The following SLC1A1 variants were observed in gnomAD, a reference collection of about 807,000 sequenced individuals.
The protein encoded by SLC1A1 is excitatory amino acid transporter 3.
In SLC1A1, 43 loss-of-function variants were observed where a neutral mutation model predicts 53.3. The observed-to-expected ratio is 0.81, with a 90% CI of 0.63 to 1.04. The LOEUF is 1.04. Ranked by LOEUF, SLC1A1 falls within the 50% of genes least tolerant of loss-of-function variation. The pLI is 0.00. For synonymous variants in SLC1A1, 307 were observed against 243.2 expected, an observed-to-expected ratio of 1.26 and a Z score of -2.44; for missense variants, 748 against 664.9, an observed-to-expected ratio of 1.12 and a Z score of -1.37.
chr9:4,582,897 G>C, intron 10 of SLC1A1, 141 bp from the exon 11 acceptor site: 1 of 1,076,762 alleles, frequency 9.3e-7, no homozygotes, highest in South Asian at 1.3e-5. Flanking sequence ...CTGGGGCTCA[G>C]CAAGTCACAG....
rs368321633 is a variant in SLC1A1, at chr9:4,506,569, G to GA, written c.91+15810dup. Among the ~76,000 whole-genome samples the GA allele has an allele frequency of 6.7e-3, 996 of 147,858 alleles. 10 individuals are homozygous for GA. Among genetic ancestry groups the GA allele is most frequent in the African/African-American group, 0.016 (658 of 40,428 alleles). The stretch of plus-strand genomic sequence containing the variant: ...AATCTCCAACTAGCTTATTTATTTT[G>GA]AAAAAAAAAAATAGAAATCTACGTC... On this transcript the variant is annotated intron_variant, in intron 1 of 11. Coordinates refer to ENST00000262352, the MANE Select transcript of SLC1A1 (RefSeq NM_004170.6).
chr9:4,539,679 C>T (rs973725574), intron 1 of SLC1A1, among the ~76,000 whole-genome samples: 4 of 152,150 alleles, frequency 2.6e-5, no homozygotes, highest in Admixed American at 2.0e-4. Context: ...TCAAGCGATT[C>T]TCCTGCCTCA....
intron 2 of SLC1A1, chr9:4,553,998 T>C (rs1285594155): frequency 6.6e-6 from 1 of 152,250 alleles, no homozygotes; most frequent in Non-Finnish European, 1.5e-5. Context: ...CCTTGTTTTC[T>C]CTGGGGAATA....
At chr9:4,555,098 A>T (rs1269358430) in intron 2 of SLC1A1, among the ~76,000 whole-genome samples, 2 of 152,222 alleles carry the variant, frequency 1.3e-5, no homozygotes, top group Non-Finnish European at 2.9e-5. Flanking sequence ...GGAGAAGCTG[A>T]GTCTGGGAGG....
chr9:4,511,578 C>CAG (rs995008112), intron 1 of SLC1A1, among the ~76,000 whole-genome samples: 1 of 150,180 alleles, frequency 6.7e-6, no homozygotes, highest in African/African-American at 2.5e-5. Context: ...CACACACACA[C>CAG]ACACACACAC....
At chr9:4,504,135 C>G (rs1266542604) in intron 1 of SLC1A1, among the ~76,000 whole-genome samples, 3 of 151,680 alleles carry the variant, frequency 2.0e-5, no homozygotes, top group African/African-American at 7.2e-5. Flanking sequence ...AAACCAGCAC[C>G]AGAACCCACC....
At position 4,544,700 on chromosome 9, in the gene SLC1A1, G is replaced by A; in HGVS notation, c.225G>A (p.Met75Ile). Reference sequence around the variant, plus strand: ...TTTTGCCATTAATTATATCCAGCATGATTACAGGTACCTTGAGAAAACAGA... The same window carrying A: ...TTTTGCCATTAATTATATCCAGCATAATTACAGGTACCTTGAGAAAACAGA... ...LIILPLIISS[M>I]ITGVAALDSN... The change falls in exon 2 of 12, where the codon ATG becomes ATA. Residue 75 changes from methionine to isoleucine, a missense_variant. By Grantham distance (10) the Met-to-Ile change is conservative. Transcript: ENST00000262352. 1 of 1,612,878 alleles carries A rather than the reference G, an allele frequency of 6.2e-7. No homozygotes were observed.
intron 3 of SLC1A1, among the ~76,000 whole-genome samples, chr9:4,563,146 G>GAAAAA (rs761603173): frequency 7.2e-6 from 1 of 138,082 alleles, no homozygotes; most frequent in African/African-American, 2.7e-5. Flanking sequence ...GAGAGAGAGA[G>GAAAAA]AAAAAAAAAA....
chr9:4,503,817 G>A (rs935784466), intron 1 of SLC1A1, among the ~76,000 whole-genome samples: 1 of 151,818 alleles, frequency 6.6e-6, no homozygotes, highest in Non-Finnish European at 1.5e-5. Context: ...GGTGCCCCCA[G>A]ATATATCTGA....
intron 1 of SLC1A1, among the ~76,000 whole-genome samples, chr9:4,531,927 C>T (rs899592948): frequency 1.3e-5 from 2 of 152,158 alleles, no homozygotes; most frequent in Non-Finnish European, 2.9e-5. Flanking sequence ...GTCTCCGCTG[C>T]TGATACACAG....
intron 1 of SLC1A1, among the ~76,000 whole-genome samples, chr9:4,495,870 C>A (rs1048126877): frequency 6.6e-6 from 1 of 152,084 alleles, no homozygotes; most frequent in Non-Finnish European, 1.5e-5. Context: ...TCCAGCAAAA[C>A]AGAGAGTCCT....
Position 4,575,862 on chromosome 9 carries a change from T to G in SLC1A1, c.876-139T>G, listed in dbSNP as rs545041151. ...CTCATACATGGAATGGGACGTATAT[T>G]CCTGCCCTACTCCCATTTCTTATTG... On this transcript the variant is annotated intron_variant, in intron 8 of 11. Transcript: ENST00000262352. 1.8e-5 allele frequency: 16 copies of G among 895,740 alleles called. No individual in the cohort carries two copies. The African/African-American group carries it at 2.2e-4, about 12-fold the overall frequency. The allele number at this position is 895,740 out of a possible 1,614,324, so 55.5% of individuals were successfully genotyped here.
rs1326465413 is a variant in SLC1A1 at position 4,556,315 on chromosome 9, C to T, written c.233-5134C>T. Among the ~76,000 whole-genome samples the T allele has an allele frequency of 6.6e-6, 1 of 152,178 alleles. No individual in the cohort carries two copies. Among genetic ancestry groups the T allele is most frequent in the Non-Finnish European group, 1.5e-5 (1 of 68,034 alleles). On this transcript the variant is annotated intron_variant, in intron 2 of 11. Coordinates refer to ENST00000262352, the MANE Select transcript of SLC1A1 (RefSeq NM_004170.6). This position sits in a 1 kb window ranked among gnomAD's most constrained non-coding sequence, Gnocchi z 4.1. ...GATTACCGGCGTGAGCCACTACGCC[C>T]CGCCCCTATCTTTTATTATTACATT... is the stretch of plus-strand genomic sequence containing the variant.
In SLC1A1 at chr9:4,583,452, C is replaced by A. The variant is rs1290139257; in HGVS notation, c.1328+280C>A. Among the ~76,000 whole-genome samples the A allele has an allele frequency of 6.6e-6, 1 of 152,194 alleles. No homozygotes were observed. The highest frequency in any genetic ancestry group is 2.4e-5 in the African/African-American group (1 of 41,446). Reference sequence around the variant, plus strand: ...GTGTGGGACAGAGATAAACACAGAACAAGGTGAGAAGCCAGGCAGGGCCCC... The same window carrying A: ...GTGTGGGACAGAGATAAACACAGAAAAAGGTGAGAAGCCAGGCAGGGCCCC... On this transcript the variant is annotated intron_variant, in intron 11 of 11. Coordinates refer to ENST00000262352, the MANE Select transcript of SLC1A1 (RefSeq NM_004170.6). This position sits in a 1 kb window ranked among gnomAD's most constrained non-coding sequence, Gnocchi z 4.6.
chr9:4,574,482 G>A (rs929004769), intron 8 of SLC1A1, among the ~76,000 whole-genome samples: 4 of 152,162 alleles, frequency 2.6e-5, no homozygotes, highest in Non-Finnish European at 5.9e-5. Context: ...TGCTGGGGCT[G>A]TTAACCACCA....
intron 1 of SLC1A1, among the ~76,000 whole-genome samples, chr9:4,532,890 G>A (rs907703413): frequency 2.0e-5 from 3 of 152,196 alleles, no homozygotes; most frequent in African/African-American, 7.2e-5. Flanking sequence ...CAAGCCAGAA[G>A]AGAGTGGGGG....
chr9:4,526,765 C>A (rs1209865479), intron 1 of SLC1A1, among the ~76,000 whole-genome samples: 1 of 151,804 alleles, frequency 6.6e-6, no homozygotes, highest in Non-Finnish European at 1.5e-5. Flanking sequence ...GGTTTTTACT[C>A]ATGTGGTTTG....
chr9:4,561,338 G>A lies in SLC1A1; in HGVS notation c.233-111G>A, dbSNP rs1818917984. On this transcript the variant is annotated intron_variant, in intron 2 of 11. Transcript: ENST00000262352. ...CATTGCATGTTATTGCCCATTGTCT[G>A]TAGATGAGAACGCCTCTCAGCTCTT... The A allele has an allele frequency of 3.9e-6, 3 of 774,094 alleles. No individual in the cohort carries two copies. The East Asian group carries it at 7.3e-5, about 19-fold the overall frequency. The allele number at this position is 774,094 out of a possible 1,614,324, so 48.0% of individuals were successfully genotyped here.
intron 1 of SLC1A1, 93 bp downstream of exon 1, chr9:4,490,863 A>C: frequency 9.2e-7 from 1 of 1,091,828 alleles, no homozygotes; most frequent in East Asian, 2.5e-5. Context: ...GCGCTGGCGC[A>C]CTCCATGCAG....
Sources: allele counts gnomAD v4.1 joint callset (sites outside exome capture counted in the v4.1 genomes callset), GRCh38; gene constraint gnomAD v4.1.1; non-coding constraint Gnocchi (gnomAD v3.1); transcripts MANE v1.5; gene names NCBI Gene and HGNC (gene_info 2026-07-23, HGNC 2026-07-21).